PLXNB1: variants seen among roughly 807,000 people sequenced by gnomAD.
PLXNB1 encodes plexin-B1.
Under a neutral mutation model 209.4 loss-of-function variants are expected in PLXNB1, and 106 were observed. The observed-to-expected ratio is 0.51, with a 90% CI of 0.43 to 0.59. The LOEUF (loss-of-function observed/expected upper bound fraction) is 0.59, where lower values mean the gene tolerates loss of function less well. Ranked by LOEUF, PLXNB1 falls within the 20% of genes least tolerant of loss-of-function variation. The pLI is 0.00. For synonymous variants in PLXNB1, 1,167 were observed against 1,183.2 expected (o/e 0.99, Z 0.28); for missense variants, 2,357 against 2,853.2 (o/e 0.83, Z 3.96).
In PLXNB1 at chr3:48,422,479, G is replaced by C. The variant is rs1259830000; in HGVS notation, c.1291-20C>G. ...GTAGACCTGGGATCAGAGACCACAG[G>C]GTCTGGGACCCAAGTCCATGGCCAG... is the stretch of plus-strand genomic sequence containing the variant. On this transcript the variant is annotated intron_variant, in intron 4 of 37. Transcript: ENST00000296440. 6.4e-7 allele frequency: 1 copy of C among 1,561,788 alleles called. No individual in the cohort carries two copies.
At position 48,415,270 on chromosome 3, in the gene PLXNB1, G is replaced by C. The variant is rs143732573; in HGVS notation, c.3872C>G (p.Ser1291Trp). 3 of 1,613,534 alleles carry C rather than the reference G, an allele frequency of 1.9e-6. No homozygotes were observed. Among genetic ancestry groups the C allele is most frequent in the Non-Finnish European group, 1.7e-6 (2 of 1,180,002 alleles). Residue 1291 changes from serine to tryptophan, a missense_variant, in exon 20 of 38, where the codon TCG becomes TGG. This residue lies in a region of PLXNB1 where 743 missense variants were observed against 896.2 expected (regional missense o/e 0.83). Coordinates refer to ENST00000296440, the MANE Select transcript of PLXNB1 (RefSeq NM_001130082.3). This position sits in a 1 kb window ranked among gnomAD's most constrained non-coding sequence, Gnocchi z 5.0. The stretch of plus-strand genomic sequence containing the variant: ...CCCCTGGCTGGGCTGCAGCATTCTC[G>C]AGACCACGGTCACCCGGATTCTTGG... ...QTPRIRVTVV[S>W]RMLQPSQGLG... is the part of the protein sequence containing the mutation.
Position 48,424,128 on chromosome 3 carries a change from C to A in PLXNB1, c.484G>T (p.Gly162Trp), listed in dbSNP as rs866290919. 6.4e-7 allele frequency: 1 copy of A among 1,554,566 alleles called. No individual in the cohort carries two copies. Among genetic ancestry groups the A allele is most frequent in the East Asian group, 2.4e-5 (1 of 42,134 alleles). Reference sequence around the variant, plus strand: ...CGCCCCACAAACAGGAGGGGCTCCCCTGCCAAGCCCTGGGCTACCAGCCCC... The same window carrying A: ...CGCCCCACAAACAGGAGGGGCTCCCATGCCAAGCCCTGGGCTACCAGCCCC... ...TVGLVAQGLA[G>W]EPLLFVGRGY... The change falls in exon 3 of 38, where the codon GGG (glycine) becomes TGG (tryptophan). Residue 162 changes from glycine (G) to tryptophan (W), a missense_variant. Physicochemically the swap from Gly to Trp is radical, Grantham distance 184. Transcript: ENST00000296440.
rs759453789 is a variant in PLXNB1, at chr3:48,423,892, C to T, written c.720G>A (p.Gln240=). ...ATACATAGGCACGAAAAGCTCTAGA[C>T]TGAGCCTGCAGGTCCCGCCGCAGGA... ...FLFLRRDLQA[Q]SRAFRAYVSR... The change falls in exon 3 of 38, where the codon CAG becomes CAA. Residue 240 remains glutamine (Q), a synonymous_variant. Transcript: ENST00000296440. 1.4e-5 allele frequency: 23 copies of T among 1,613,944 alleles called. No homozygotes were observed. Among genetic ancestry groups the T allele is most frequent in the Non-Finnish European group, 1.9e-5 (22 of 1,180,024 alleles).
intron 1 of PLXNB1, among the ~76,000 whole-genome samples, chr3:48,426,287 C>A (rs1326102843): frequency 1.3e-5 from 2 of 152,192 alleles, no homozygotes; most frequent in East Asian, 1.9e-4. Flanking sequence ...CCAGCTGAGG[C>A]TCCTGAGTCC....
At chr3:48,426,152 C>T (rs910088283) in intron 1 of PLXNB1, among the ~76,000 whole-genome samples, 1 of 152,176 alleles carries the variant, frequency 6.6e-6, no homozygotes, top group South Asian at 2.1e-4. Flanking sequence ...GTGCCAGGGC[C>T]CAAGATGTGG....
At chr3:48,407,666 G>A (rs2037395089) in intron 34 of PLXNB1, among the ~76,000 whole-genome samples, 1 of 152,194 alleles carries the variant, frequency 6.6e-6, no homozygotes, top group Non-Finnish European at 1.5e-5. Flanking sequence ...AGAATATCTC[G>A]AGGTGGCACT....
chr3:48,416,087 G>C lies in PLXNB1; in HGVS notation c.3561C>G (p.Leu1187=). The change falls in exon 18 of 38, where the codon CTC becomes CTG. Residue 1187 remains leucine (L), a synonymous_variant. Coordinates refer to ENST00000296440, the MANE Select transcript of PLXNB1 (RefSeq NM_001130082.3). The surrounding 1 kb of genome is among the most constrained non-coding windows in gnomAD (Gnocchi z 4.1). ...GTRLTLNGSK[L]LTGRLEDIRV... is the part of the protein sequence containing the mutation. The stretch of plus-strand genomic sequence containing the variant: ...GGATGTCCTCCAGCCGCCCAGTCAG[G>C]AGCTTGGAGCCATTCAGGGTGAGAC... 6.2e-7 allele frequency: 1 copy of C among 1,601,424 alleles called. No homozygotes were observed. Among genetic ancestry groups the C allele is most frequent in the Non-Finnish European group, 8.5e-7 (1 of 1,174,258 alleles).
Position 48,404,199 on chromosome 3 carries a change from T to G in PLXNB1, c.*287A>C, listed in dbSNP as rs201621064. On this transcript the variant is annotated 3_prime_UTR_variant, in exon 38 of 38. Transcript: ENST00000296440. ...GTCTCCCCAGGGGCCTGGAGTCTCT[T>G]CCAGCCACTCTCTGGAAGCCCTTAG... 2,521 of 418,628 alleles carry G rather than the reference T, an allele frequency of 6.0e-3. 56 individuals carry two copies. The highest frequency in any genetic ancestry group is 0.045 in the African/African-American group (2,248 of 49,990). The allele number at this position is 418,628 out of a possible 1,614,324, so 25.9% of individuals were successfully genotyped here.
At position 48,415,716 on chromosome 3, in the gene PLXNB1, G is replaced by A. The variant is rs1326017013; in HGVS notation, c.3661C>T (p.Pro1221Ser). 9 of 1,552,474 alleles carry A rather than the reference G, an allele frequency of 5.8e-6. No homozygotes were observed. Among genetic ancestry groups the A allele is most frequent in the Non-Finnish European group, 7.8e-6 (9 of 1,147,546 alleles). ...QSEQLRCETS[P>S]RPTPATLPVA... Reference sequence around the variant, plus strand: ...GGGAGCGTGGCAGGCGTGGGGCGTGGGCTGGTCTCACACCGCAGTTGTTCT... The same window carrying A: ...GGGAGCGTGGCAGGCGTGGGGCGTGAGCTGGTCTCACACCGCAGTTGTTCT... Residue 1221 changes from proline (P) to serine (S), a missense_variant, in exon 19 of 38, where the codon CCA (proline) becomes TCA (serine). Physicochemically the swap from Pro to Ser is moderately conservative, Grantham distance 74. This residue lies in a region of PLXNB1 where 743 missense variants were observed against 896.2 expected (regional missense o/e 0.83). Transcript: ENST00000296440. The surrounding 1 kb of genome is among the most constrained non-coding windows in gnomAD (Gnocchi z 5.0).
At position 48,409,250 on chromosome 3, in the gene PLXNB1, G is replaced by A. The variant is rs2037497349; in HGVS notation, c.6087+79C>T. 3 of 1,546,560 alleles carry A rather than the reference G, an allele frequency of 1.9e-6. No homozygotes were observed. The East Asian group carries it at 6.8e-5, about 35-fold the overall frequency. The stretch of plus-strand genomic sequence containing the variant: ...CCCTAAGCCCTCCTTGAAGTTCTCA[G>A]AAAAGCCTGGAATCTGAGTGCACAC... On this transcript the variant is annotated intron_variant, in intron 34 of 37. Transcript: ENST00000296440. This position sits in a 1 kb window ranked among gnomAD's most constrained non-coding sequence, Gnocchi z 5.8.
In PLXNB1 at chr3:48,409,190, G is replaced by A. The variant is rs544399085; in HGVS notation, c.6087+139C>T. 48 of 958,242 alleles carry A rather than the reference G, an allele frequency of 5.0e-5. No homozygotes were observed. The highest frequency in any genetic ancestry group is 2.5e-4 in the Admixed American group (9 of 35,714). The allele number at this position is 958,242 out of a possible 1,614,324, so 59.4% of individuals were successfully genotyped here. On this transcript the variant is annotated intron_variant, in intron 34 of 37. Coordinates refer to ENST00000296440, the MANE Select transcript of PLXNB1 (RefSeq NM_001130082.3). This position sits in a 1 kb window ranked among gnomAD's most constrained non-coding sequence, Gnocchi z 5.8. ...CATCCCTTAAAACTGAGGTGGCCCC[G>A]GGATGAAGCCTTGGCTTGGGAGGTC... is the stretch of plus-strand genomic sequence containing the variant.
Position 48,413,046 on chromosome 3 carries a change from G to A in PLXNB1, c.4636+23C>T, listed in dbSNP as rs983631950. On this transcript the variant is annotated intron_variant, in intron 24 of 37. Coordinates refer to ENST00000296440, the MANE Select transcript of PLXNB1 (RefSeq NM_001130082.3). This position sits in a 1 kb window ranked among gnomAD's most constrained non-coding sequence, Gnocchi z 5.4. ...GGGTTTGGGCAGAGTTCTGGAGGGC[G>A]GGGCCCATTCTCTCAGCCACACCTG... 9 of 1,606,746 alleles carry A rather than the reference G, an allele frequency of 5.6e-6. No individual in the cohort carries two copies. The highest frequency in any genetic ancestry group is 1.3e-5 in the African/African-American group (1 of 74,716).
rs768183525 is a variant in PLXNB1 at position 48,405,828 on chromosome 3, G to A, written c.6229-30C>T. 13 of 1,589,502 alleles carry A rather than the reference G, an allele frequency of 8.2e-6. No homozygotes were observed. The South Asian group carries it at 1.3e-4, about 16-fold the overall frequency. ...GGAAGAGGCCAAATGAAAGGTGAGA[G>A]AGACGAGGGGTGCAGAGAGCCACAG... On this transcript the variant is annotated intron_variant, in intron 36 of 37. Transcript: ENST00000296440. This position sits in a 1 kb window ranked among gnomAD's most constrained non-coding sequence, Gnocchi z 5.0.
Position 48,405,913 on chromosome 3 carries a change from T to G in PLXNB1, c.6229-115A>C. The G allele has an allele frequency of 1.3e-6, 1 of 776,394 alleles. No homozygotes were observed. Among genetic ancestry groups the G allele is most frequent in the Non-Finnish European group, 2.2e-6 (1 of 456,784 alleles). The allele number at this position is 776,394 out of a possible 1,614,324, so 48.1% of individuals were successfully genotyped here. On this transcript the variant is annotated intron_variant, in intron 36 of 37. Transcript: ENST00000296440. This position sits in a 1 kb window ranked among gnomAD's most constrained non-coding sequence, Gnocchi z 5.0. ...AGAAGGGGACCTGAGAGGTAGAGAA[T>G]GGGATGGGCACTACAGTGGGAAGCA...
In PLXNB1 at chr3:48,405,600, GC is replaced by G; in HGVS notation, c.6303+123del. 4.2e-6 allele frequency: 3 copies of G among 718,294 alleles called. No individual in the cohort carries two copies. The highest frequency in any genetic ancestry group is 7.0e-6 in the Non-Finnish European group (3 of 431,260). The allele number at this position is 718,294 out of a possible 1,614,324, so 44.5% of individuals were successfully genotyped here. ...ACTTCTCAAGCCACCAAGGGGCCCG[GC>G]CCCCCACTACTCTGTCCCTGGGGAA... On this transcript the variant is annotated intron_variant, in intron 37 of 37. Coordinates refer to ENST00000296440, the MANE Select transcript of PLXNB1 (RefSeq NM_001130082.3). This position sits in a 1 kb window ranked among gnomAD's most constrained non-coding sequence, Gnocchi z 5.0.
rs1429961682 is a variant in PLXNB1, at chr3:48,416,584, C to CTCTCTCTGTCACTT, written c.3375-134_3375-133insAAGTGACAGAGAGA. 4 of 552,814 alleles carry CTCTCTCTGTCACTT rather than the reference C, an allele frequency of 7.2e-6. No homozygotes were observed. Among genetic ancestry groups the CTCTCTCTGTCACTT allele is most frequent in the Non-Finnish European group, 1.3e-5 (4 of 315,180 alleles). The allele number at this position is 552,814 out of a possible 1,614,324, so 34.2% of individuals were successfully genotyped here. A position where few individuals can be genotyped will look rare whatever the true frequency, so the allele number is the denominator to read the frequency against. On this transcript the variant is annotated intron_variant, in intron 16 of 37. Transcript: ENST00000296440. The surrounding 1 kb of genome is among the most constrained non-coding windows in gnomAD (Gnocchi z 4.1). ...ATGCTCCATAAGATTGACAGAGACCCTCTCTCACTTTGGAGGGAATTCTTT... is the reference window on the plus strand; with the variant it reads ...ATGCTCCATAAGATTGACAGAGACCCTCTCTCTGTCACTTTCTCTCACTTTGGAGGGAATTCTTT...
Position 48,418,538 on chromosome 3 carries a change from C to T in PLXNB1, c.2960G>A (p.Ser987Asn), listed in dbSNP as rs142167894. Residue 987 changes from serine to asparagine, a missense_variant, in exon 14 of 38, where the codon AGC becomes AAC. Ser to Asn is a conservative substitution (Grantham distance 46, BLOSUM62 1). Around this residue, in one of 7 missense-constraint regions of PLXNB1, gnomAD observed 410 missense variants for 401.0 expected, o/e 1.02. Coordinates refer to ENST00000296440, the MANE Select transcript of PLXNB1 (RefSeq NM_001130082.3). This position sits in a 1 kb window ranked among gnomAD's most constrained non-coding sequence, Gnocchi z 6.6. ...GAGCTCCGGCTGCAGAGCCTCATAG[C>T]TGAGCTGGAGAAATGGGAGTGGGTT... ...CHVTCQQHQL[S>N]YEALQPELRV... 6.3e-7 allele frequency: 1 copy of T among 1,595,938 alleles called. No homozygotes were observed. Among genetic ancestry groups the T allele is most frequent in the Admixed American group, 1.8e-5 (1 of 56,984 alleles).
chr3:48,425,833 CACAGAG>C (rs1451902785), intron 1 of PLXNB1, among the ~76,000 whole-genome samples: 6 of 149,164 alleles, frequency 4.0e-5, no homozygotes, highest in East Asian at 3.9e-4. Flanking sequence ...CACACACACA[CACAGAG>C]AGAGAGAGAT....
rs546330250 is a variant in PLXNB1 at position 48,413,896 on chromosome 3, G to A, written c.4385C>T (p.Thr1462Met). The change falls in exon 22 of 38, where the codon ACG (threonine) becomes ATG (methionine). Residue 1462 changes from threonine to methionine, a missense_variant and splice_region_variant. Thr to Met is a moderately conservative substitution (Grantham distance 81). Transcript: ENST00000296440. The surrounding 1 kb of genome is among the most constrained non-coding windows in gnomAD (Gnocchi z 5.4). Reference sequence around the variant, plus strand: ...CCGGCCAGGGACCTGCCCACTGACCGTGAACTCAGGCAAAGAGTCAGGTGC... The same window carrying A: ...CCGGCCAGGGACCTGCCCACTGACCATGAACTCAGGCAAAGAGTCAGGTGC... ...REAPDSLPEF[T>M]VQMGNLRFSL... The A allele has an allele frequency of 1.5e-4, 239 of 1,607,762 alleles. 1 individual carries two copies. In the South Asian group the frequency reaches 2.2e-3, roughly 15 times the overall value.
Sources: allele counts gnomAD v4.1 joint callset (sites outside exome capture counted in the v4.1 genomes callset), GRCh38; gene constraint gnomAD v4.1.1; regional missense constraint gnomAD v4.1.1; non-coding constraint Gnocchi (gnomAD v3.1); transcripts MANE v1.5; gene names NCBI Gene and HGNC (gene_info 2026-07-23, HGNC 2026-07-21).